ZNF493: variants seen among roughly 807,000 people sequenced by gnomAD.
The protein encoded by ZNF493 is zinc finger protein 493.
A neutral mutation model predicts 12.2 loss-of-function variants in ZNF493; 11 were observed. That is an observed-to-expected ratio of 0.90 (90% CI 0.57 to 1.50). The LOEUF (loss-of-function observed/expected upper bound fraction) is 1.50. ZNF493 is among the 40% of genes most tolerant of loss of function. The pLI, the probability that ZNF493 is intolerant of heterozygous loss-of-function variation, is 0.00. For synonymous variants in ZNF493, 286 were observed against 302.6 expected, an observed-to-expected ratio of 0.95 and a Z score of 0.57; for missense variants, 950 against 906.6, an observed-to-expected ratio of 1.05 and a Z score of -0.61.
At position 21,424,238 on chromosome 19, in the gene ZNF493, AAACG is replaced by A; in HGVS notation, c.1581_1584del (p.Lys527AsnfsTer10). 6.2e-7 allele frequency: 1 copy of A among 1,612,572 alleles called. No individual in the cohort carries two copies. The highest frequency in any genetic ancestry group is 8.5e-7 in the Non-Finnish European group (1 of 1,178,958). ...ATGTGAAGAATGTGGCAAAGCTTTT[AAACG>A]ATCTTCAACCCTTACTATACATAAA... is the stretch of plus-strand genomic sequence containing the variant. On this transcript the variant is annotated frameshift_variant, in exon 4 of 4. Transcript: ENST00000392288. LOFTEE classifies it low-confidence loss of function (END_TRUNC).
chr19:21,400,390 CAG>C lies in ZNF493; in HGVS notation c.30+3131_30+3132del, dbSNP rs759022111. ...GTACCACTGTACTCTGGCCTGGTGA[CAG>C]AGAGAGACTCCATCTCAAAAAAAAA... On this transcript the variant is annotated intron_variant, in intron 1 of 3. Transcript: ENST00000392288. Among the ~76,000 whole-genome samples the C allele has an allele frequency of 2.6e-5, 4 of 151,644 alleles. No individual in the cohort carries two copies. In the East Asian group the frequency reaches 7.8e-4, roughly 29 times the overall value.
rs56762005 is a variant in ZNF493 at position 21,418,782 on chromosome 19, G to A, written c.254-4131G>A. On this transcript the variant is annotated intron_variant, in intron 3 of 3. Coordinates refer to ENST00000392288, the MANE Select transcript of ZNF493 (RefSeq NM_001076678.3). Reference sequence around the variant, plus strand: ...AAGGGATGAGCCAAAATAAAGGGATGGGTTGGGCTAGTTATCTGCAGCAGG... The same window carrying A: ...AAGGGATGAGCCAAAATAAAGGGATAGGTTGGGCTAGTTATCTGCAGCAGG... Among the ~76,000 whole-genome samples the A allele has an allele frequency of 7.2e-5, 11 of 152,320 alleles. No homozygotes were observed. In the East Asian group the frequency reaches 1.2e-3, roughly 16 times the overall value.
At chr19:21,417,660 A>G (rs181977872) in intron 3 of ZNF493, among the ~76,000 whole-genome samples, 1 of 152,246 alleles carries the variant, frequency 6.6e-6, no homozygotes, top group East Asian at 1.9e-4. Context: ...CTGTGGCATC[A>G]TCCTGCATGA....
At chr19:21,403,403 G>A (rs1177116732) in intron 1 of ZNF493, among the ~76,000 whole-genome samples, 1 of 152,180 alleles carries the variant, frequency 6.6e-6, no homozygotes, top group Non-Finnish European at 1.5e-5. Flanking sequence ...GCAAGGGCAG[G>A]CACATGAAGA....
At chr19:21,420,623 ATTTTTTTTTTTTTTTTTTT>A (rs1164416201) in intron 3 of ZNF493, among the ~76,000 whole-genome samples, 1 of 16,118 alleles carries the variant, frequency 6.2e-5, no homozygotes, top group Non-Finnish European at 1.1e-4. Flanking sequence ...ATATATATAT[ATTTTTTTTTTTTTTTTTTT>A]TTTTTTTTTT....
chr19:21,407,808 A>G (rs1182080614), intron 3 of ZNF493: 1 of 985,382 alleles, frequency 1.0e-6, no homozygotes, highest in African/African-American at 1.7e-5. Flanking sequence ...GGCTTTAAAA[A>G]GAATTCTTTT....
intron 3 of ZNF493, among the ~76,000 whole-genome samples, chr19:21,410,723 C>T (rs2030300026): frequency 6.6e-6 from 1 of 151,830 alleles, no homozygotes; most frequent in African/African-American, 2.4e-5. Flanking sequence ...AAAATGGTGC[C>T]AAGACTCATA....
At position 21,423,006 on chromosome 19, in the gene ZNF493, G is replaced by T; in HGVS notation, c.347G>T (p.Gly116Val). 6.2e-7 allele frequency: 1 copy of T among 1,612,066 alleles called. No homozygotes were observed. The highest frequency in any genetic ancestry group is 8.5e-7 in the Non-Finnish European group (1 of 1,179,314). ...ATACTGAGAGAATATGTAAAATGTG[G>T]ACATAAGGATTTACAGTTAAGAAAA... ...KVILREYVKC[G>V]HKDLQLRKGC... Residue 116 changes from glycine (G) to valine (V), a missense_variant, in exon 4 of 4, where the codon GGA becomes GTA. Transcript: ENST00000392288.
rs1306950415 is a variant in ZNF493, at chr19:21,406,401, T to C, written c.253+545T>C. ...AGGGCCATCTTCTGTCTTATGCTTT[T>C]AAATTCTCTAAGGATTCTACTTTCT... On this transcript the variant is annotated intron_variant, in intron 3 of 3. Transcript: ENST00000392288. Among the ~76,000 whole-genome samples, 3 of 152,218 alleles carry C rather than the reference T, an allele frequency of 2.0e-5. No individual in the cohort carries two copies. In the East Asian group the frequency reaches 5.8e-4, roughly 29 times the overall value.
intron 3 of ZNF493, chr19:21,411,928 A>G (rs2030339530): frequency 6.6e-6 from 1 of 152,126 alleles, no homozygotes; most frequent in Admixed American, 6.5e-5. Flanking sequence ...CATTATGGAC[A>G]TCTTCAAAAT....
At chr19:21,408,882 T>A in intron 3 of ZNF493, 22 of 429,220 alleles carry the variant, frequency 5.1e-5, no homozygotes, top group Non-Finnish European at 6.7e-5. Flanking sequence ...TCTTTCTTTC[T>A]TTTTTTTTTT....
Position 21,405,878 on chromosome 19 carries a change from A to G in ZNF493, c.253+22A>G, listed in dbSNP as rs766076410. 29 of 656,192 alleles carry G rather than the reference A, an allele frequency of 4.4e-5. No individual in the cohort carries two copies. The African/African-American group carries it at 5.5e-4, about 12-fold the overall frequency. 40.6% of individuals were successfully genotyped at this position (656,192 alleles called of 1,614,324 possible). A position where few individuals can be genotyped will look rare whatever the true frequency, so the allele number is the denominator to read the frequency against. Reference sequence around the variant, plus strand: ...CCAGGTAGGTGAGAGTGAATGAAACAGTTGACATAGATGAAAGGTTGAAAG... The same window carrying G: ...CCAGGTAGGTGAGAGTGAATGAAACGGTTGACATAGATGAAAGGTTGAAAG... On this transcript the variant is annotated intron_variant, in intron 3 of 3. Transcript: ENST00000392288.
At chr19:21,418,560 CTA>C (rs892309595) in intron 3 of ZNF493, among the ~76,000 whole-genome samples, 1 of 152,148 alleles carries the variant, frequency 6.6e-6, no homozygotes, top group East Asian at 1.9e-4. Context: ...CAGGGAGACC[CTA>C]ACCCAGCGGC....
chr19:21,413,635 A>G (rs1022175073), intron 3 of ZNF493: 1 of 417,088 alleles, frequency 2.4e-6, no homozygotes. Flanking sequence ...CATCTGGCTC[A>G]TGATAAAGTT....
At chr19:21,415,785 G>A (rs902488835) in intron 3 of ZNF493, among the ~76,000 whole-genome samples, 1 of 152,146 alleles carries the variant, frequency 6.6e-6, no homozygotes, top group Non-Finnish European at 1.5e-5. Context: ...TGCAGGAATT[G>A]TAAATGCAAA....
chr19:21,425,655 A>G lies in ZNF493; in HGVS notation c.*671A>G. On this transcript the variant is annotated 3_prime_UTR_variant, in exon 4 of 4. Coordinates refer to ENST00000392288, the MANE Select transcript of ZNF493 (RefSeq NM_001076678.3). ...TTTTAACCAATCCTCAACCCTTACT[A>G]CACATTAGATAATTCATGCTGGAGA... 1.2e-6 allele frequency: 1 copy of G among 829,802 alleles called. No homozygotes were observed. Among genetic ancestry groups the G allele is most frequent in the South Asian group, 1.3e-5 (1 of 76,286 alleles). The allele number at this position is 829,802 out of a possible 1,614,324, so 51.4% of individuals were successfully genotyped here. A position where few individuals can be genotyped will look rare whatever the true frequency, so the allele number is the denominator to read the frequency against.
In ZNF493 at chr19:21,423,933, G is replaced by A; in HGVS notation, c.1274G>A (p.Arg425Lys). 6.2e-7 allele frequency: 1 copy of A among 1,612,454 alleles called. No homozygotes were observed. The highest frequency in any genetic ancestry group is 8.5e-7 in the Non-Finnish European group (1 of 1,179,344). Residue 425 changes from arginine to lysine, a missense_variant, in exon 4 of 4, where the codon AGA (arginine) becomes AAA (lysine). Physicochemically the swap from Arg to Lys is conservative, Grantham distance 26. Transcript: ENST00000392288. ...TCTTCACACCTTACTACACATAAAA[G>A]AATTCATACTGGAGAGAAACCCTAC... ...KESSHLTTHK[R>K]IHTGEKPYKC... is the part of the protein sequence containing the mutation.
chr19:21,397,763 G>C (rs1974196323), intron 1 of ZNF493: 1 of 231,200 alleles, frequency 4.3e-6, no homozygotes. Context: ...TGGTCTGTGG[G>C]AGAGGCTTGA....
rs1242345293 is a variant in ZNF493 at position 21,423,348 on chromosome 19, G to T, written c.689G>T (p.Arg230Ile). Residue 230 changes from arginine (R) to isoleucine (I), a missense_variant, in exon 4 of 4, where the codon AGA becomes ATA. Physicochemically the swap from Arg to Ile is moderately conservative, Grantham distance 97. Transcript: ENST00000392288. ...TTTTCAACCCTTACTAGACACAGGA[G>T]AGTTCATACTGGAGAGAAATCCTAC... Reference protein sequence around the residue: ...IWFSTLTRHRRVHTGEKSYKY... With the variant: ...IWFSTLTRHRIVHTGEKSYKY... 6.2e-7 allele frequency: 1 copy of T among 1,612,590 alleles called. No individual in the cohort carries two copies. Among genetic ancestry groups the T allele is most frequent in the African/African-American group, 1.3e-5 (1 of 74,668 alleles).
Sources: gnomAD v4.1 joint callset for allele counts (sites outside exome capture counted in the v4.1 genomes callset) on GRCh38, gnomAD v4.1.1 for gene constraint, MANE v1.5 for transcripts, NCBI Gene and HGNC (gene_info 2026-07-23, HGNC 2026-07-21) for gene names.